EEFSEC: variants seen among roughly 807,000 people sequenced by gnomAD.
EEFSEC encodes selenocysteine-specific elongation factor.
In EEFSEC, 43 loss-of-function variants were observed where a neutral mutation model predicts 42.1. The observed-to-expected ratio is 1.02, with a 90% CI of 0.80 to 1.32. The LOEUF (loss-of-function observed/expected upper bound fraction) is 1.32, where lower values mean the gene tolerates loss of function less well. Ranked by LOEUF, EEFSEC falls within the 40% of genes most tolerant of loss-of-function variation. EEFSEC has a pLI of 0.00. For synonymous variants in EEFSEC, 354 were observed against 339.1 expected, an observed-to-expected ratio of 1.04 and a Z score of -0.48; for missense variants, 745 against 803.6, an observed-to-expected ratio of 0.93 and a Z score of 0.88.
At chr3:128,167,873 A>G (rs531549835) in intron 1 of EEFSEC, among the ~76,000 whole-genome samples, 8 of 152,300 alleles carry the variant, frequency 5.3e-5, no homozygotes, top group Admixed American at 2.6e-4. Context: ...TTTGCCGGCA[A>G]TCTTCAGCTT....
chr3:128,250,187 TCTC>T (rs952935815), intron 2 of EEFSEC, among the ~76,000 whole-genome samples: 2 of 152,304 alleles, frequency 1.3e-5, no homozygotes, highest in African/African-American at 4.8e-5. Context: ...GCAAATATCT[TCTC>T]CTGTTTTGTA....
chr3:128,381,314 C>T (rs1017183119), intron 6 of EEFSEC, among the ~76,000 whole-genome samples: 2 of 152,120 alleles, frequency 1.3e-5, no homozygotes, highest in Non-Finnish European at 2.9e-5. Flanking sequence ...ATGGGTTGGG[C>T]GGCTGGTGTA....
At chr3:128,320,865 C>T (rs11916395) in intron 4 of EEFSEC, among the ~76,000 whole-genome samples, 2,404 of 152,346 alleles carry the variant, frequency 0.016, 46 homozygotes, top group African/African-American at 0.054. Flanking sequence ...TGCCCCACTC[C>T]GTCACTGCTG....
chr3:128,255,276 A>G (rs983196914), intron 2 of EEFSEC, among the ~76,000 whole-genome samples: 18 of 152,140 alleles, frequency 1.2e-4, no homozygotes, highest in African/African-American at 4.3e-4. Context: ...GACGTGAAGG[A>G]TAGTCAAGGG....
At chr3:128,414,104 C>A in the EEFSEC span, among the ~76,000 whole-genome samples, 2 of 152,238 alleles carry the variant, frequency 1.3e-5, no homozygotes, top group Non-Finnish European at 2.9e-5. Flanking sequence ...CCCTGCCTCC[C>A]GCCAACGTCT....
At chr3:128,402,465 C>T (rs937125554) in intron 6 of EEFSEC, among the ~76,000 whole-genome samples, 3 of 152,234 alleles carry the variant, frequency 2.0e-5, no homozygotes, top group Admixed American at 1.3e-4. Context: ...TTCTCAAAAA[C>T]GTGCCGCTCC....
chr3:128,242,471 T>C (rs952469072), intron 1 of EEFSEC, among the ~76,000 whole-genome samples: 1 of 152,146 alleles, frequency 6.6e-6, no homozygotes, highest in Non-Finnish European at 1.5e-5. Context: ...TTTTTCTCCT[T>C]CTTATAATGC....
chr3:128,327,956 G>A (rs531177557), intron 4 of EEFSEC, among the ~76,000 whole-genome samples: 78 of 152,312 alleles, frequency 5.1e-4, no homozygotes, highest in African/African-American at 1.9e-3. Flanking sequence ...GGGCGCCCAT[G>A]AGGAAGGAGC....
intron 1 of EEFSEC, among the ~76,000 whole-genome samples, chr3:128,246,521 G>C (rs1246017015): frequency 6.6e-6 from 1 of 152,138 alleles, no homozygotes; most frequent in African/African-American, 2.4e-5. Flanking sequence ...AAAGTGATAG[G>C]ATTGGTGCAA....
At chr3:128,374,182 C>T (rs2067684543) in intron 6 of EEFSEC, among the ~76,000 whole-genome samples, 1 of 152,226 alleles carries the variant, frequency 6.6e-6, no homozygotes, top group Non-Finnish European at 1.5e-5. Context: ...CATCGGTGCC[C>T]AGTGCTGTCA....
At chr3:128,400,841 C>T (rs886982471) in intron 6 of EEFSEC, among the ~76,000 whole-genome samples, 2 of 152,228 alleles carry the variant, frequency 1.3e-5, no homozygotes, top group African/African-American at 4.8e-5. Context: ...CCAGCCCAAG[C>T]CAGGACCCGG....
At chr3:128,386,384 T>A (rs1382249836) in intron 6 of EEFSEC, among the ~76,000 whole-genome samples, 1 of 152,160 alleles carries the variant, frequency 6.6e-6, no homozygotes, top group African/African-American at 2.4e-5. Context: ...CCAGTTTCTC[T>A]TGAAAAGCAG....
At chr3:128,402,326 A>G (rs2068057555) in intron 6 of EEFSEC, among the ~76,000 whole-genome samples, 1 of 152,184 alleles carries the variant, frequency 6.6e-6, no homozygotes, top group Admixed American at 6.5e-5. Flanking sequence ...GCATTATAAC[A>G]TAGGTCTTTC....
intron 4 of EEFSEC, among the ~76,000 whole-genome samples, chr3:128,312,316 C>G (rs915139461): frequency 1.3e-5 from 2 of 152,244 alleles, no homozygotes; most frequent in Admixed American, 1.3e-4. Context: ...AGTGCTGGGT[C>G]TCAGACAGGC....
At chr3:128,370,732 C>T (rs919117691) in intron 6 of EEFSEC, among the ~76,000 whole-genome samples, 4 of 152,236 alleles carry the variant, frequency 2.6e-5, no homozygotes, top group African/African-American at 9.6e-5. Context: ...TGGCTCTAGG[C>T]CCATCCCAGG....
chr3:128,272,650 G>C (rs1003985382), intron 4 of EEFSEC, among the ~76,000 whole-genome samples: 12 of 152,178 alleles, frequency 7.9e-5, no homozygotes, highest in African/African-American at 2.9e-4. Flanking sequence ...TATGATATGA[G>C]AGCAAAATGG....
At chr3:128,276,806 G>A (rs984856809) in intron 4 of EEFSEC, among the ~76,000 whole-genome samples, 6 of 152,196 alleles carry the variant, frequency 3.9e-5, no homozygotes, top group Non-Finnish European at 8.8e-5. Flanking sequence ...CTCTCTTGGA[G>A]GTGGAGATAT....
the EEFSEC span, among the ~76,000 whole-genome samples, chr3:128,420,687 A>G: frequency 6.6e-6 from 1 of 152,186 alleles, no homozygotes; most frequent in Non-Finnish European, 1.5e-5. Flanking sequence ...GCAGAGCCCC[A>G]GTGAAAGATG....
intron 4 of EEFSEC, among the ~76,000 whole-genome samples, chr3:128,329,250 G>A (rs892914413): frequency 1.3e-5 from 2 of 152,184 alleles, no homozygotes; most frequent in Admixed American, 6.5e-5. Context: ...CTGATGCTCT[G>A]GTGCCAGCAG....
Sources: gnomAD v4.1 joint callset for allele counts (sites outside exome capture counted in the v4.1 genomes callset) on GRCh38, gnomAD v4.1.1 for gene constraint, MANE v1.5 for transcripts, NCBI Gene and HGNC (gene_info 2026-07-23, HGNC 2026-07-21) for gene names.